Variants in GTF2A1L observed in about 807,000 individuals in gnomAD.
The protein encoded by GTF2A1L is TFIIA-alpha and beta-like factor.
GTF2A1L carries 48 observed loss-of-function variants against 49.7 expected under a neutral mutation model. The ratio of observed to expected loss-of-function variants is 0.97; its 90% CI spans 0.77 to 1.23. The LOEUF is 1.23. GTF2A1L is among the 50% of genes most tolerant of loss of function. GTF2A1L has a pLI of 0.00. For missense variants in GTF2A1L, 736 were observed against 564.8 expected (o/e 1.30, Z -3.07); for synonymous variants, 246 against 193.5 (o/e 1.27, Z -2.25).
intron 6 of GTF2A1L, among the ~76,000 whole-genome samples, chr2:48,658,391 TG>T (rs1678298905): frequency 6.6e-6 from 1 of 152,238 alleles, no homozygotes; most frequent in Non-Finnish European, 1.5e-5. Flanking sequence ...TTGTTGACTT[TG>T]TCAAAGATCA....
chr2:48,622,796 T>C (rs1182063562), intron 3 of GTF2A1L, among the ~76,000 whole-genome samples: 1 of 149,260 alleles, frequency 6.7e-6, no homozygotes, highest in African/African-American at 2.5e-5. Context: ...ATCGCGCCAC[T>C]GCATTCCAGC....
rs559524460 is a variant in GTF2A1L at position 48,629,234 on chromosome 2, C to G, written c.247+7944C>G. Among the ~76,000 whole-genome samples the G allele has an allele frequency of 4.9e-5, 7 of 141,446 alleles. No individual in the cohort carries two copies. The East Asian group carries it at 1.4e-3, about 28-fold the overall frequency. 92.8% of individuals were successfully genotyped at this position (141,446 alleles called of 152,430 possible). Reference sequence around the variant, plus strand: ...CTAGCCTGGGCAACAGAGCGAGACTCCGTCTCAAAAAAAAAAAAAGTGACT... The same window carrying G: ...CTAGCCTGGGCAACAGAGCGAGACTGCGTCTCAAAAAAAAAAAAAGTGACT... On this transcript the variant is annotated intron_variant, in intron 3 of 8. Coordinates refer to ENST00000403751, the MANE Select transcript of GTF2A1L (RefSeq NM_006872.5).
rs561345832 is a variant in GTF2A1L at position 48,626,717 on chromosome 2, G to T, written c.247+5427G>T. Among the ~76,000 whole-genome samples the T allele has an allele frequency of 7.6e-5, 11 of 143,852 alleles. 1 individual carries two copies. In the South Asian group the frequency reaches 2.1e-3, roughly 28 times the overall value. The allele number at this position is 143,852 out of a possible 152,430, so 94.4% of individuals were successfully genotyped here. Reference sequence around the variant, plus strand: ...ACTCCCAAAGTAGCTGGGACTACAGGCATGTGCCACAACATCTGACTAATT... The same window carrying T: ...ACTCCCAAAGTAGCTGGGACTACAGTCATGTGCCACAACATCTGACTAATT... On this transcript the variant is annotated intron_variant, in intron 3 of 8. Transcript: ENST00000403751.
At chr2:48,655,327 A>T (rs1312974985) in intron 6 of GTF2A1L, among the ~76,000 whole-genome samples, 2 of 151,994 alleles carry the variant, frequency 1.3e-5, no homozygotes, top group African/African-American at 4.8e-5. Flanking sequence ...TTGCATTTTT[A>T]AAAATATATT....
At chr2:48,654,482 A>C (rs1352491745) in intron 6 of GTF2A1L, among the ~76,000 whole-genome samples, 3 of 151,938 alleles carry the variant, frequency 2.0e-5, no homozygotes, top group Non-Finnish European at 4.4e-5. Context: ...CACTGGGTTC[A>C]AGCGATTCTC....
intron 6 of GTF2A1L, among the ~76,000 whole-genome samples, chr2:48,665,591 A>G (rs1176471604): frequency 6.6e-6 from 1 of 151,994 alleles, no homozygotes; most frequent in Non-Finnish European, 1.5e-5. Flanking sequence ...GGTATTTATA[A>G]TTGTGTTGTT....
chr2:48,646,335 A>T, intron 5 of GTF2A1L, 118 bp from the exon 6 acceptor site: 1 of 875,332 alleles, frequency 1.1e-6, no homozygotes, highest in Non-Finnish European at 1.7e-6. Flanking sequence ...ACCACCATTA[A>T]CATATTGGTG....
chr2:48,627,382 A>G (rs548419162), intron 3 of GTF2A1L, among the ~76,000 whole-genome samples: 30 of 143,972 alleles, frequency 2.1e-4, no homozygotes, highest in African/African-American at 7.4e-4. Flanking sequence ...AACACGTGTA[A>G]TGTTACAGCA....
In GTF2A1L at chr2:48,669,764, G is replaced by A; in HGVS notation, c.1021G>A (p.Asp341Asn). ...GGATTTAAGCATTCGGGTTACTGAT[G>A]ATGATATTGGTGAAATAATTCAAGT... ...QVDLSIRVTDDDIGEIIQVDG... is the reference protein window; with the variant it reads ...QVDLSIRVTDNDIGEIIQVDG... The change falls in exon 7 of 9, where the codon GAT (aspartate) becomes AAT (asparagine). Residue 341 changes from aspartate (D) to asparagine (N), a missense_variant. Transcript: ENST00000403751. The A allele has an allele frequency of 1.2e-6, 2 of 1,613,794 alleles. No individual in the cohort carries two copies. Among genetic ancestry groups the A allele is most frequent in the Non-Finnish European group, 1.7e-6 (2 of 1,179,874 alleles).
intron 5 of GTF2A1L, among the ~76,000 whole-genome samples, chr2:48,645,688 G>T (rs376905404): frequency 6.6e-6 from 1 of 152,070 alleles, no homozygotes; most frequent in Non-Finnish European, 1.5e-5. Flanking sequence ...TCGCTCTGTC[G>T]CCCACGCTGT....
chr2:48,635,079 T>G (rs1048130161), intron 3 of GTF2A1L, among the ~76,000 whole-genome samples: 14 of 152,156 alleles, frequency 9.2e-5, no homozygotes, highest in African/African-American at 3.1e-4. Flanking sequence ...TAGTGAGTGC[T>G]CCAGATATCT....
intron 3 of GTF2A1L, among the ~76,000 whole-genome samples, chr2:48,634,912 GT>G (rs1025109111): frequency 2.7e-4 from 41 of 152,190 alleles, no homozygotes; most frequent in Non-Finnish European, 5.9e-5. Flanking sequence ...CCATCTACAG[GT>G]CCCCCAGTGG....
At position 48,677,004 on chromosome 2, in the gene GTF2A1L, A is replaced by G. The variant is rs1028995494; in HGVS notation, c.1330-2331A>G. ...ATTTCGTCCCTAATGTTAAGACATGATTTATCATCTGCTACTGCATTTCTA... is the reference window on the plus strand; with the variant it reads ...ATTTCGTCCCTAATGTTAAGACATGGTTTATCATCTGCTACTGCATTTCTA... On this transcript the variant is annotated intron_variant, in intron 8 of 8. Transcript: ENST00000403751. Among the ~76,000 whole-genome samples, 6 of 151,648 alleles carry G rather than the reference A, an allele frequency of 4.0e-5. No homozygotes were observed. In the East Asian group the frequency reaches 1.2e-3, roughly 29 times the overall value.
chr2:48,641,667 AT>A (rs1053220713), intron 3 of GTF2A1L, among the ~76,000 whole-genome samples: 1 of 151,978 alleles, frequency 6.6e-6, no homozygotes, highest in Non-Finnish European at 1.5e-5. Flanking sequence ...TGTAGTTATT[AT>A]TTTTTCTTTA....
chr2:48,676,043 G>T (rs1679451027), intron 8 of GTF2A1L, among the ~76,000 whole-genome samples: 1 of 151,678 alleles, frequency 6.6e-6, no homozygotes, highest in Non-Finnish European at 1.5e-5. Context: ...TTCCTGTTTT[G>T]AATGCAAATA....
rs570677569 is a variant in GTF2A1L, at chr2:48,657,404, C to T, written c.978+10362C>T. On this transcript the variant is annotated intron_variant, in intron 6 of 8. Transcript: ENST00000403751. ...ATTCACTTAGGATGATGGCCTTCGG[C>T]AGTATGCATGTTGCTGCAAAGAACA... Among the ~76,000 whole-genome samples the T allele has an allele frequency of 2.6e-5, 4 of 152,290 alleles. No homozygotes were observed. In the East Asian group the frequency reaches 7.7e-4, roughly 29 times the overall value.
intron 8 of GTF2A1L, among the ~76,000 whole-genome samples, chr2:48,674,068 A>G (rs1179458780): frequency 3.3e-5 from 5 of 152,190 alleles, no homozygotes; most frequent in Non-Finnish European, 5.9e-5. Flanking sequence ...TAATGCCTCT[A>G]TGAACATTTG....
chr2:48,638,170 A>G (rs2104150526), intron 3 of GTF2A1L, among the ~76,000 whole-genome samples: 1 of 152,286 alleles, frequency 6.6e-6, no homozygotes, highest in South Asian at 2.1e-4. Context: ...AGCTGCTACT[A>G]TTCTTACTGA....
chr2:48,657,038 G>A (rs1381492166), intron 6 of GTF2A1L, among the ~76,000 whole-genome samples: 1 of 152,060 alleles, frequency 6.6e-6, no homozygotes, highest in Non-Finnish European at 1.5e-5. Flanking sequence ...TATTTTATTG[G>A]TGTATACACC....
Sources: gnomAD v4.1 joint callset for allele counts (sites outside exome capture counted in the v4.1 genomes callset) on GRCh38, gnomAD v4.1.1 for gene constraint, MANE v1.5 for transcripts, NCBI Gene and HGNC (gene_info 2026-07-23, HGNC 2026-07-21) for gene names.